SMOC2: variants seen among roughly 807,000 people sequenced by gnomAD.
The protein encoded by SMOC2 is SPARC related modular calcium binding 2.
SMOC2 carries 39 observed loss-of-function variants against 61.4 expected under a neutral mutation model. That is an observed-to-expected ratio of 0.64 (90% CI 0.49 to 0.83). The LOEUF (loss-of-function observed/expected upper bound fraction) is 0.83, where lower values mean the gene tolerates loss of function less well. Ranked by LOEUF, SMOC2 falls within the 40% of genes least tolerant of loss-of-function variation. The pLI, the probability that SMOC2 is intolerant of heterozygous loss-of-function variation, is 0.00. For missense variants in SMOC2, 556 were observed against 592.9 expected (o/e 0.94, Z 0.65); for synonymous variants, 247 against 239.9 (o/e 1.03, Z -0.27).
intron 9 of SMOC2, among the ~76,000 whole-genome samples, chr6:168,633,163 A>T (rs1173162193): frequency 6.6e-6 from 1 of 152,260 alleles, no homozygotes; most frequent in African/African-American, 2.4e-5. Context: ...GGAGGTGGAT[A>T]ATCTGCAAAA....
intron 1 of SMOC2, among the ~76,000 whole-genome samples, chr6:168,467,747 A>G (rs1781877260): frequency 6.6e-6 from 1 of 152,202 alleles, no homozygotes; most frequent in Admixed American, 6.5e-5. Flanking sequence ...TGGTATGTGA[A>G]ATAGATTTCA....
At chr6:168,659,785 G>T (rs1202525584) in intron 11 of SMOC2, among the ~76,000 whole-genome samples, 1 of 146,790 alleles carries the variant, frequency 6.8e-6, no homozygotes, top group Non-Finnish European at 1.5e-5. Flanking sequence ...TAGATTATAG[G>T]CTGAGTGAGG....
chr6:168,652,041 C>CA (rs34341178), intron 10 of SMOC2, among the ~76,000 whole-genome samples: 29,869 of 128,858 alleles, frequency 0.23, 3,507 homozygotes, highest in African/African-American at 0.37. Flanking sequence ...AACTCTGTCT[C>CA]AAAAAAAAAA....
At chr6:168,659,221 C>T (rs1357215415) in intron 11 of SMOC2, among the ~76,000 whole-genome samples, 7 of 152,006 alleles carry the variant, frequency 4.6e-5, no homozygotes, top group African/African-American at 1.7e-4. Flanking sequence ...TTTGAGGTGT[C>T]ATTTGGCAAA....
In SMOC2 at chr6:168,547,223, GT is replaced by G. The variant is rs1784025213; in HGVS notation, c.562+55del. On this transcript the variant is annotated intron_variant, in intron 6 of 12. Coordinates refer to ENST00000356284, the MANE Select transcript of SMOC2 (RefSeq NM_001166412.2). Reference sequence around the variant, plus strand: ...GGGTTGGGGAGGAGTGCGAGGGACGGTATGGAGCTGGGAAGTGGAGCGAGTC... The same window carrying G: ...GGGTTGGGGAGGAGTGCGAGGGACGGATGGAGCTGGGAAGTGGAGCGAGTC... 5 of 1,508,970 alleles carry G rather than the reference GT, an allele frequency of 3.3e-6. No individual in the cohort carries two copies. In the East Asian group the frequency reaches 1.1e-4, roughly 34 times the overall value. 93.5% of individuals were successfully genotyped at this position (1,508,970 alleles called of 1,614,324 possible).
intron 1 of SMOC2, among the ~76,000 whole-genome samples, chr6:168,472,467 A>G (rs1166028246): frequency 1.3e-5 from 2 of 151,748 alleles, no homozygotes; most frequent in Non-Finnish European, 2.9e-5. Context: ...TGCAATTAAC[A>G]ATTTTTAAAT....
intron 2 of SMOC2, among the ~76,000 whole-genome samples, chr6:168,523,444 G>C (rs1295620154): frequency 6.6e-6 from 1 of 150,578 alleles, no homozygotes; most frequent in African/African-American, 2.4e-5. Flanking sequence ...CTGGAGTGCA[G>C]TGGTGCGATC....
intron 1 of SMOC2, among the ~76,000 whole-genome samples, chr6:168,467,645 G>A (rs1017012878): frequency 6.6e-6 from 1 of 151,882 alleles, no homozygotes; most frequent in African/African-American, 2.4e-5. Context: ...TGTAGAGATG[G>A]GATCTTACTA....
At chr6:168,473,643 A>C (rs1782017087) in intron 1 of SMOC2, among the ~76,000 whole-genome samples, 1 of 152,188 alleles carries the variant, frequency 6.6e-6, no homozygotes, top group African/African-American at 2.4e-5. Context: ...TGTTAGAAAC[A>C]GACCAAAACT....
At chr6:168,657,455 C>A (rs1365915677) in intron 11 of SMOC2, among the ~76,000 whole-genome samples, 2 of 152,230 alleles carry the variant, frequency 1.3e-5, no homozygotes, top group Non-Finnish European at 2.9e-5. Flanking sequence ...GATGGAAAAC[C>A]AAGGATGCCT....
chr6:168,549,210 T>C lies in SMOC2; in HGVS notation c.637+7T>C, dbSNP rs1784074999. On this transcript the variant is annotated splice_region_variant and intron_variant, in intron 7 of 12. Transcript: ENST00000356284. The stretch of plus-strand genomic sequence containing the variant: ...AAAACCAATAAGAATTCAGGTAAGA[T>C]GCTGCCTGATGTCACTTTGTAAGGA... 1 of 1,612,962 alleles carries C rather than the reference T, an allele frequency of 6.2e-7. No individual in the cohort carries two copies.
chr6:168,571,851 G>A (rs1454895192), intron 7 of SMOC2, among the ~76,000 whole-genome samples: 1 of 138,284 alleles, frequency 7.2e-6, no homozygotes, highest in Non-Finnish European at 1.6e-5. Context: ...CTCCCTGAAC[G>A]CGATGTTCAT....
chr6:168,651,053 T>C (rs891454956), intron 10 of SMOC2, among the ~76,000 whole-genome samples: 1 of 152,238 alleles, frequency 6.6e-6, no homozygotes, highest in Non-Finnish European at 1.5e-5. Context: ...CCTGGCCCTT[T>C]TGGTGCGGAG....
intron 2 of SMOC2, among the ~76,000 whole-genome samples, chr6:168,519,129 GTA>G (rs1465908722): frequency 2.0e-5 from 3 of 149,196 alleles, no homozygotes; most frequent in East Asian, 4.0e-4. Flanking sequence ...GCATGCATGT[GTA>G]TGTGTGCATG....
intron 2 of SMOC2, among the ~76,000 whole-genome samples, chr6:168,520,287 A>T (rs1294767785): frequency 1.3e-5 from 2 of 152,216 alleles, no homozygotes; most frequent in Admixed American, 6.5e-5. Context: ...AAATACTACA[A>T]CTTTTAAAAC....
intron 1 of SMOC2, among the ~76,000 whole-genome samples, chr6:168,504,219 T>C (rs987722600): frequency 7.2e-5 from 11 of 151,954 alleles, no homozygotes; most frequent in African/African-American, 2.7e-4. Context: ...ACGTTTGACA[T>C]TTTTTCCATG....
intron 7 of SMOC2, among the ~76,000 whole-genome samples, chr6:168,597,280 A>T (rs1785358464): frequency 1.3e-5 from 2 of 152,234 alleles, no homozygotes; most frequent in Admixed American, 6.5e-5. Context: ...TACGAATCTG[A>T]TTATCCTCAG....
intron 1 of SMOC2, among the ~76,000 whole-genome samples, chr6:168,499,814 G>A (rs946590847): frequency 1.3e-5 from 2 of 152,078 alleles, no homozygotes; most frequent in African/African-American, 4.8e-5. Flanking sequence ...GGGGTCCCAC[G>A]CTGACCAGCA....
At chr6:168,626,353 C>T (rs1164306527) in intron 9 of SMOC2, among the ~76,000 whole-genome samples, 3 of 152,140 alleles carry the variant, frequency 2.0e-5, no homozygotes, top group Admixed American at 1.3e-4. Flanking sequence ...TGTTTTTCCT[C>T]GTCAGGAATA....
Sources: allele counts gnomAD v4.1 joint callset (sites outside exome capture counted in the v4.1 genomes callset), GRCh38; gene constraint gnomAD v4.1.1; transcripts MANE v1.5; gene names NCBI Gene and HGNC (gene_info 2026-07-23, HGNC 2026-07-21).